Variants in CACNA2D3 observed in about 807,000 individuals in gnomAD.
CACNA2D3 encodes the protein calcium voltage-gated channel auxiliary subunit alpha2delta 3, also known as voltage-dependent calcium channel subunit alpha-2/delta-3.
In CACNA2D3, 60 loss-of-function variants were observed where a neutral mutation model predicts 160.6. The ratio of observed to expected loss-of-function variants is 0.37; its 90% confidence interval spans 0.30 to 0.46. CACNA2D3 has a LOEUF of 0.46. Among genes scored for constraint, CACNA2D3 ranks in the 20% least tolerant of loss-of-function variants. The pLI is 1.00. For missense variants in CACNA2D3, 1,205 were observed against 1,365.0 expected (o/e 0.88, Z 1.85); for synonymous variants, 558 against 492.9 (o/e 1.13, Z -1.75).
chr3:54,780,036 TAC>T (rs1440831151), intron 13 of CACNA2D3, among the ~76,000 whole-genome samples: 4 of 152,132 alleles, frequency 2.6e-5, no homozygotes, highest in African/African-American at 9.7e-5. Context: ...TACTGTGCAC[TAC>T]AGTTTGTTTG....
At chr3:54,914,419 C>G (rs1003388329) in intron 27 of CACNA2D3, among the ~76,000 whole-genome samples, 3 of 152,124 alleles carry the variant, frequency 2.0e-5, no homozygotes, top group African/African-American at 7.2e-5. Flanking sequence ...TCTCTAAGAC[C>G]CTTCTCAGAT....
chr3:54,869,933 G>T (rs1433940071), intron 17 of CACNA2D3, among the ~76,000 whole-genome samples: 2 of 152,138 alleles, frequency 1.3e-5, no homozygotes, highest in Non-Finnish European at 2.9e-5. Flanking sequence ...ATCTGGAGTG[G>T]ATCTGATGTC....
intron 21 of CACNA2D3, 131 bp downstream of exon 21, chr3:54,880,994 G>A (rs919422896): frequency 1.1e-5 from 8 of 750,892 alleles, no homozygotes; most frequent in South Asian, 4.6e-5. Flanking sequence ...CCACTCAAAC[G>A]AATGCCTACT....
chr3:54,620,473 C>G (rs1429007692), intron 9 of CACNA2D3, among the ~76,000 whole-genome samples: 1 of 152,238 alleles, frequency 6.6e-6, no homozygotes. Context: ...TTGGGTGTCT[C>G]CTCTGCTCAC....
intron 5 of CACNA2D3, among the ~76,000 whole-genome samples, chr3:54,506,229 C>G (rs1575493622): frequency 6.6e-6 from 1 of 152,116 alleles, no homozygotes; most frequent in East Asian, 1.9e-4. Flanking sequence ...AGAAGGCCCT[C>G]CAGCTCAGAT....
chr3:54,368,924 A>G (rs1267964165), intron 3 of CACNA2D3, among the ~76,000 whole-genome samples: 1 of 151,582 alleles, frequency 6.6e-6, no homozygotes, highest in East Asian at 2.0e-4. Context: ...GATAGTCTCT[A>G]TCTCCTGACC....
intron 19 of CACNA2D3, 21 bp downstream of exon 19, chr3:54,879,110 T>G: frequency 6.6e-7 from 1 of 1,515,086 alleles, no homozygotes; most frequent in Non-Finnish European, 9.0e-7. Flanking sequence ...CTCAAACATT[T>G]TTGCTGCTTA....
At chr3:54,288,766 A>C (rs1032482000) in intron 2 of CACNA2D3, among the ~76,000 whole-genome samples, 1 of 152,166 alleles carries the variant, frequency 6.6e-6, no homozygotes, top group Non-Finnish European at 1.5e-5. Flanking sequence ...GGCTGGTTCA[A>C]TATACGCAAA....
chr3:54,939,515 A>C (rs973763112), intron 27 of CACNA2D3, among the ~76,000 whole-genome samples: 5 of 152,242 alleles, frequency 3.3e-5, no homozygotes, highest in African/African-American at 1.2e-4. Context: ...AGGCAGGGCC[A>C]CAGGGAAAAG....
At chr3:54,512,842 A>G (rs905873776) in intron 5 of CACNA2D3, among the ~76,000 whole-genome samples, 5 of 152,222 alleles carry the variant, frequency 3.3e-5, no homozygotes, top group East Asian at 1.9e-4. Context: ...GAGACTGGGA[A>G]GAAAAAGAGG....
chr3:54,493,060 CTTTTTTTTTTTTTTTTT>C lies in CACNA2D3; in HGVS notation c.382-10414_382-10398del, dbSNP rs34225864. On this transcript the variant is annotated intron_variant, in intron 4 of 37. Transcript: ENST00000474759. Reference sequence around the variant, plus strand: ...TGTATGTGGGAGGTATTGCTCAAAACTTTTTTTTTTTTTTTTTTTTTTTTTTTTTTTTTTGGAGACGG... The same window carrying C: ...TGTATGTGGGAGGTATTGCTCAAAACTTTTTTTTTTTTTTTTTGGAGACGG... Among the ~76,000 whole-genome samples, 85 of 58,810 alleles carry C rather than the reference CTTTTTTTTTTTTTTTTT, an allele frequency of 1.4e-3. 2 individuals carry two copies. The highest frequency in any genetic ancestry group is 5.7e-3 in the African/African-American group (74 of 13,030). The allele number at this position is 58,810 out of a possible 152,430, so 38.6% of individuals were successfully genotyped here. A position where few individuals can be genotyped will look rare whatever the true frequency, so the allele number is the denominator to read the frequency against.
intron 11 of CACNA2D3, among the ~76,000 whole-genome samples, chr3:54,684,056 T>C (rs931805420): frequency 6.3e-5 from 9 of 143,502 alleles, no homozygotes; most frequent in African/African-American, 2.4e-4. Context: ...CTGCAACCTC[T>C]CTCCCCCAGG....
intron 27 of CACNA2D3, among the ~76,000 whole-genome samples, chr3:54,919,934 A>C (rs1700787297): frequency 6.6e-6 from 1 of 152,088 alleles, no homozygotes; most frequent in South Asian, 2.1e-4. Context: ...TCCTCTCAGG[A>C]GCGTTGTGAG....
At chr3:54,331,252 G>T (rs981455526) in intron 3 of CACNA2D3, among the ~76,000 whole-genome samples, 4 of 152,156 alleles carry the variant, frequency 2.6e-5, no homozygotes, top group African/African-American at 9.7e-5. Flanking sequence ...AAATGGAGAA[G>T]TGTAGCCATC....
intron 4 of CACNA2D3, among the ~76,000 whole-genome samples, chr3:54,487,675 A>G (rs1701036950): frequency 6.6e-6 from 1 of 152,246 alleles, no homozygotes; most frequent in Non-Finnish European, 1.5e-5. Context: ...CTTAGGAACA[A>G]TTTTAAACGC....
chr3:54,683,350 C>T (rs1470906259), intron 11 of CACNA2D3, among the ~76,000 whole-genome samples: 1 of 152,144 alleles, frequency 6.6e-6, no homozygotes, highest in Non-Finnish European at 1.5e-5. Context: ...AATAAAAACA[C>T]AAAAACCAGA....
intron 17 of CACNA2D3, among the ~76,000 whole-genome samples, chr3:54,863,724 A>G (rs199785797): frequency 6.9e-6 from 1 of 145,072 alleles, no homozygotes; most frequent in Non-Finnish European, 1.5e-5. Context: ...TTTTTTTTTA[A>G]AAAAAAAATA....
In CACNA2D3 at chr3:54,968,475, A is replaced by C; in HGVS notation, c.2475A>C (p.Glu825Asp). The change falls in exon 28 of 38, where the codon GAA becomes GAC. Residue 825 changes from glutamate (E) to aspartate (D), a missense_variant. Physicochemically the swap from Glu to Asp is conservative, Grantham distance 45 (BLOSUM62 2). Coordinates refer to ENST00000474759, the MANE Select transcript of CACNA2D3 (RefSeq NM_018398.3). ...CTGTAGGCATTCAGATGAAACTTGA[A>C]TTTTTCCAAAGGAAGTTCTGGACTG... Reference protein sequence around the residue: ...VAAVGIQMKLEFFQRKFWTAS... With the variant: ...VAAVGIQMKLDFFQRKFWTAS... The C allele has an allele frequency of 6.2e-7, 1 of 1,610,376 alleles. No individual in the cohort carries two copies. The highest frequency in any genetic ancestry group is 8.5e-7 in the Non-Finnish European group (1 of 1,178,148).
intron 17 of CACNA2D3, among the ~76,000 whole-genome samples, chr3:54,853,841 A>G (rs9854608): frequency 0.034 from 5,110 of 152,144 alleles, 275 homozygotes; most frequent in African/African-American, 0.12. Context: ...TCTCAGGACC[A>G]TGCATTCTGC....
Sources: allele counts gnomAD v4.1 joint callset (sites outside exome capture counted in the v4.1 genomes callset), GRCh38; gene constraint gnomAD v4.1.1; transcripts MANE v1.5; gene names NCBI Gene and HGNC (gene_info 2026-07-23, HGNC 2026-07-21).